Variants in ACCSL observed in about 807,000 individuals in gnomAD.
ACCSL encodes 1-aminocyclopropane-1-carboxylate synthase homolog (inactive) like.
In ACCSL, 55 loss-of-function variants were observed where a neutral mutation model predicts 61.7. The observed-to-expected ratio is 0.89, with a 90% CI of 0.72 to 1.12. ACCSL has a LOEUF of 1.12. ACCSL is among the 50% of genes most tolerant of loss of function. The pLI, the probability that ACCSL is intolerant of heterozygous loss-of-function variation, is 0.00. For missense variants in ACCSL, 632 were observed against 698.0 expected (o/e 0.91, Z 1.07); for synonymous variants, 258 against 264.3 (o/e 0.98, Z 0.23).
At chr11:44,017,007 T>G in the ACCSL span, among the ~76,000 whole-genome samples, 22 of 152,200 alleles carry the variant, frequency 1.4e-4, no homozygotes, top group African/African-American at 4.8e-4. Flanking sequence ...GAGCAAGTAT[T>G]TATAGAGCCC....
chr11:44,050,145 G>A, intron 2 of ACCSL, 24 bp downstream of exon 2: 1 of 1,600,330 alleles, frequency 6.2e-7, no homozygotes, highest in Non-Finnish European at 8.6e-7. Flanking sequence ...GGGCTGTGTT[G>A]GGACCCACCC....
the ACCSL span, among the ~76,000 whole-genome samples, chr11:43,970,570 C>T: frequency 6.6e-6 from 1 of 152,170 alleles, no homozygotes; most frequent in Admixed American, 6.5e-5. Context: ...CTTTTAGCAA[C>T]CAACAACAAT....
the ACCSL span, among the ~76,000 whole-genome samples, chr11:44,042,636 TGTTTGTTTTG>T: frequency 4.1e-5 from 6 of 147,320 alleles, no homozygotes; most frequent in South Asian, 2.1e-4. Flanking sequence ...GTTTTTTTTT[TGTTTGTTTTG>T]TTTGTTTTTT....
At chr11:43,934,477 C>A in the ACCSL span, among the ~76,000 whole-genome samples, 1 of 152,148 alleles carries the variant, frequency 6.6e-6, no homozygotes, top group African/African-American at 2.4e-5. Context: ...CACACACACG[C>A]GCACACACAT....
At chr11:43,994,545 G>T in the ACCSL span, among the ~76,000 whole-genome samples, 1 of 152,010 alleles carries the variant, frequency 6.6e-6, no homozygotes, top group Non-Finnish European at 1.5e-5. Flanking sequence ...TGTGTGTTGT[G>T]TGCATTTTGA....
At chr11:44,003,484 C>A in the ACCSL span, among the ~76,000 whole-genome samples, 1 of 152,036 alleles carries the variant, frequency 6.6e-6, no homozygotes, top group Non-Finnish European at 1.5e-5. Context: ...GAAGCTCCAG[C>A]TCTACAAAAA....
At chr11:44,051,470 C>T (rs1952638654) in intron 4 of ACCSL, 66 bp downstream of exon 4, 3 of 1,593,106 alleles carry the variant, frequency 1.9e-6, no homozygotes, top group Non-Finnish European at 2.6e-6. Flanking sequence ...GATGCTCTGC[C>T]CTTTCTAGGG....
chr11:44,026,285 T>C, the ACCSL span, among the ~76,000 whole-genome samples: 3 of 152,196 alleles, frequency 2.0e-5, no homozygotes, highest in Admixed American at 6.5e-5. Context: ...TGATTCTTTA[T>C]TTTATCTGTT....
the ACCSL span, among the ~76,000 whole-genome samples, chr11:44,032,768 A>C: frequency 2.6e-5 from 4 of 152,228 alleles, no homozygotes; most frequent in Non-Finnish European, 5.9e-5. Flanking sequence ...GAAGCCCAGT[A>C]GGTCAGAATG....
At chr11:44,026,879 GCTA>G in the ACCSL span, among the ~76,000 whole-genome samples, 20 of 152,228 alleles carry the variant, frequency 1.3e-4, no homozygotes, top group African/African-American at 4.8e-4. Context: ...ACAGGCATGT[GCTA>G]CTACGCCTGG....
chr11:44,048,407 G>C lies in ACCSL; in HGVS notation c.371G>C (p.Ser124Thr). The C allele has an allele frequency of 6.2e-7, 1 of 1,614,184 alleles. No individual in the cohort carries two copies. Among genetic ancestry groups the C allele is most frequent in the Non-Finnish European group, 8.5e-7 (1 of 1,180,038 alleles). ...SGQPDPVPQL[S>T]DCEAAFVNRD... ...CAGCCTGATCCAGTTCCCCAACTGA[G>C]TGATTGTGAAGCTGCCTTTGTCAAC... The change falls in exon 1 of 14, where the codon AGT (serine) becomes ACT (threonine). Residue 124 changes from serine to threonine, a missense_variant. Transcript: ENST00000378832.
At chr11:43,982,611 G>A in the ACCSL span, among the ~76,000 whole-genome samples, 42 of 152,232 alleles carry the variant, frequency 2.8e-4, no homozygotes, top group Non-Finnish European at 5.0e-4. Flanking sequence ...AGGTGCGGAT[G>A]TGTCTGCTGA....
the ACCSL span, among the ~76,000 whole-genome samples, chr11:44,008,450 G>C: frequency 6.6e-5 from 10 of 152,352 alleles, no homozygotes; most frequent in East Asian, 1.7e-3. Context: ...GCAATGTCAG[G>C]AGACCTGGTC....
the ACCSL span, chr11:43,926,298 A>G: frequency 3.7e-6 from 1 of 267,448 alleles, no homozygotes; most frequent in East Asian, 1.0e-4. Context: ...CTAATGCACT[A>G]TCCCTGGACA....
At chr11:43,957,093 CTTGAT>C in the ACCSL span, among the ~76,000 whole-genome samples, 3 of 152,236 alleles carry the variant, frequency 2.0e-5, no homozygotes, top group South Asian at 6.2e-4. Context: ...TGAGATAGGT[CTTGAT>C]GAATTTAGAG....
chr11:43,932,652 T>TA, the ACCSL span, among the ~76,000 whole-genome samples: 1 of 152,240 alleles, frequency 6.6e-6, no homozygotes, highest in Non-Finnish European at 1.5e-5. Context: ...CTCATGCTGT[T>TA]ACCCCTTACC....
At chr11:43,933,270 C>T in the ACCSL span, 1 of 430,738 alleles carries the variant, frequency 2.3e-6, no homozygotes, top group South Asian at 1.7e-5. Flanking sequence ...GGTGGATGTC[C>T]CTGGACCTCA....
chr11:43,980,784 T>C, the ACCSL span, among the ~76,000 whole-genome samples: 2 of 152,316 alleles, frequency 1.3e-5, no homozygotes, highest in East Asian at 3.9e-4. Context: ...AAGTACCAGG[T>C]ACTGTGAAAT....
At chr11:44,007,888 G>C in the ACCSL span, among the ~76,000 whole-genome samples, 1 of 152,102 alleles carries the variant, frequency 6.6e-6, no homozygotes, top group Non-Finnish European at 1.5e-5. Context: ...GGGGTGGTTT[G>C]GATGGTGCAG....
Sources: allele counts gnomAD v4.1 joint callset (sites outside exome capture counted in the v4.1 genomes callset), GRCh38; gene constraint gnomAD v4.1.1; transcripts MANE v1.5; gene names NCBI Gene and HGNC (gene_info 2026-07-23, HGNC 2026-07-21).